Variants in LPAR1 observed in about 807,000 individuals in gnomAD.
The protein encoded by LPAR1 is LPA receptor 1.
A neutral mutation model predicts 23.8 loss-of-function variants in LPAR1; 5 were observed. The ratio of observed to expected loss-of-function variants is 0.21; its 90% CI spans 0.11 to 0.44. The LOEUF is 0.44. LPAR1 is among the 20% of genes least tolerant of loss of function. LPAR1 has a pLI of 0.99. For synonymous variants in LPAR1, 160 were observed against 164.7 expected, an observed-to-expected ratio of 0.97 and a Z score of 0.22; for missense variants, 311 against 482.8, an observed-to-expected ratio of 0.64 and a Z score of 3.33.
chr9:110,875,414 T>A lies in LPAR1; in HGVS notation c.*7A>T. On this transcript the variant is annotated 3_prime_UTR_variant, in exon 6 of 6. Transcript: ENST00000683809. ...AGGACGGCTGGTTCCTCATCTCAGTTTCCGTTCTAAACCACAGAGTGGTCA... is the reference window on the plus strand; with the variant it reads ...AGGACGGCTGGTTCCTCATCTCAGTATCCGTTCTAAACCACAGAGTGGTCA... 6.2e-7 allele frequency: 1 copy of A among 1,600,232 alleles called. No individual in the cohort carries two copies. Among genetic ancestry groups the A allele is most frequent in the East Asian group, 2.2e-5 (1 of 44,510 alleles).
At chr9:110,929,067 T>A (rs1401595844) in intron 5 of LPAR1, among the ~76,000 whole-genome samples, 2 of 152,236 alleles carry the variant, frequency 1.3e-5, no homozygotes, top group Non-Finnish European at 2.9e-5. Context: ...AATAAATAAG[T>A]GAAGCCATGA....
chr9:110,896,730 T>C lies in LPAR1; in HGVS notation c.794-21008A>G, dbSNP rs183365313. ...TAATACACTGAAGCATGACTTAAAA[T>C]TTGGGAGGGGGTGAGTTAAGTGACT... On this transcript the variant is annotated intron_variant, in intron 5 of 5. Coordinates refer to ENST00000683809, the MANE Select transcript of LPAR1 (RefSeq NM_001351411.2). Among the ~76,000 whole-genome samples, 606 of 152,202 alleles carry C rather than the reference T, an allele frequency of 4.0e-3. 4 individuals are homozygous for C. The highest frequency in any genetic ancestry group is 0.014 in the African/African-American group (575 of 41,538).
chr9:110,919,823 C>G (rs753600359), intron 5 of LPAR1, among the ~76,000 whole-genome samples: 15 of 152,182 alleles, frequency 9.9e-5, no homozygotes, highest in Non-Finnish European at 1.6e-4. Context: ...TTAACCCAGA[C>G]AGCCTGTAAC....
intron 5 of LPAR1, among the ~76,000 whole-genome samples, chr9:110,907,181 TC>T (rs1198283132): frequency 6.6e-6 from 1 of 152,128 alleles, no homozygotes; most frequent in Non-Finnish European, 1.5e-5. Flanking sequence ...GGCCCTAATG[TC>T]ACAAACAATA....
chr9:111,023,902 A>G (rs2097621947), intron 2 of LPAR1, among the ~76,000 whole-genome samples: 1 of 152,240 alleles, frequency 6.6e-6, no homozygotes, highest in African/African-American at 2.4e-5. Context: ...ACTATGGGTC[A>G]TGACTAAAAA....
Position 110,971,350 on chromosome 9 carries a change from T to C in LPAR1, c.45+723A>G, listed in dbSNP as rs188692260. Among the ~76,000 whole-genome samples, 157 of 152,262 alleles carry C rather than the reference T, an allele frequency of 1.0e-3. 2 individuals carry two copies. The highest frequency in any genetic ancestry group is 3.7e-3 in the African/African-American group (154 of 41,544). ...AGAGGAAACTGAAGCTGAGAGAAGCTAGCATGACTAGGGCTCTTTATCCTG... is the reference window on the plus strand; with the variant it reads ...AGAGGAAACTGAAGCTGAGAGAAGCCAGCATGACTAGGGCTCTTTATCCTG... On this transcript the variant is annotated intron_variant, in intron 4 of 5. Transcript: ENST00000683809.
intron 4 of LPAR1, among the ~76,000 whole-genome samples, chr9:110,950,905 A>G (rs2095549002): frequency 6.6e-6 from 1 of 152,218 alleles, no homozygotes. Context: ...ATGAAAGCAC[A>G]AAAGAACAAC....
chr9:110,946,544 TTTTCATACGAGGACAA>T (rs1425341195), intron 4 of LPAR1, among the ~76,000 whole-genome samples: 1 of 152,144 alleles, frequency 6.6e-6, no homozygotes, highest in East Asian at 1.9e-4. Flanking sequence ...TACATTGATG[TTTTCATACGAGGACAA>T]TAAAGAACAG....
At position 110,875,337 on chromosome 9, in the gene LPAR1, C is replaced by A. The variant is rs373641849; in HGVS notation, c.*84G>T. On this transcript the variant is annotated 3_prime_UTR_variant, in exon 6 of 6. Transcript: ENST00000683809. ...GAGTTGACTTTTCTCCTCTCTCACA[C>A]CCCACCTTGCCCTGGCAATTGGGTA... 16 of 1,233,812 alleles carry A rather than the reference C, an allele frequency of 1.3e-5. No individual in the cohort carries two copies. In the African/African-American group the frequency reaches 2.0e-4, roughly 15 times the overall value. The allele number at this position is 1,233,812 out of a possible 1,614,324, so 76.4% of individuals were successfully genotyped here. A position where few individuals can be genotyped will look rare whatever the true frequency, so the allele number is the denominator to read the frequency against.
intron 2 of LPAR1, among the ~76,000 whole-genome samples, chr9:111,021,942 T>C (rs1588902013): frequency 9.1e-6 from 1 of 110,178 alleles, no homozygotes; most frequent in African/African-American, 3.7e-5. Flanking sequence ...CCAGCCTGGG[T>C]GACAGAGCGA....
At chr9:110,893,629 T>A (rs755394388) in intron 5 of LPAR1, among the ~76,000 whole-genome samples, 54 of 152,348 alleles carry the variant, frequency 3.5e-4, no homozygotes, top group Middle Eastern at 3.4e-3. Flanking sequence ...AATGTAAACA[T>A]TGTTTTTGTA....
At chr9:111,007,057 TTCTC>T (rs1023611049) in intron 2 of LPAR1, among the ~76,000 whole-genome samples, 144 of 152,116 alleles carry the variant, frequency 9.5e-4, no homozygotes, top group African/African-American at 3.3e-3. Flanking sequence ...TTCTCTCCCT[TTCTC>T]TCTCTCTTTC....
chr9:110,988,017 A>T (rs1486737963), intron 2 of LPAR1, among the ~76,000 whole-genome samples: 2 of 152,114 alleles, frequency 1.3e-5, no homozygotes, highest in Admixed American at 1.3e-4. Context: ...AGGAACAAGG[A>T]TAAGAATGAC....
chr9:110,998,066 G>A (rs2097053810), intron 2 of LPAR1, among the ~76,000 whole-genome samples: 3 of 152,298 alleles, frequency 2.0e-5, no homozygotes, highest in Admixed American at 1.3e-4. Flanking sequence ...TAGGTCTGGG[G>A]TGGATCCAAG....
intron 2 of LPAR1, among the ~76,000 whole-genome samples, chr9:111,003,810 C>T (rs2097170127): frequency 6.6e-6 from 1 of 152,092 alleles, no homozygotes; most frequent in Non-Finnish European, 1.5e-5. Flanking sequence ...ATTATTCCCC[C>T]AAACCTCCAG....
Position 110,942,040 on chromosome 9 carries a change from A to G in LPAR1, c.174T>C (p.Thr58=), listed in dbSNP as rs757859338. 1.2e-5 allele frequency: 20 copies of G among 1,614,080 alleles called. No homozygotes were observed. The highest frequency in any genetic ancestry group is 1.6e-4 in the Middle Eastern group (1 of 6,084). The part of the protein sequence containing the change: ...VSKLVMGLGI[T]VCIFIMLANL... ...TGGCCAACATGATGAAGATACAAAC[A>G]GTGATTCCAAGTCCCATCACCAGCT... Residue 58 remains threonine (T), a synonymous_variant, in exon 5 of 6, where the codon ACT becomes ACC. Transcript: ENST00000683809.
At chr9:110,985,155 C>G (rs779905709) in intron 2 of LPAR1, among the ~76,000 whole-genome samples, 16 of 152,006 alleles carry the variant, frequency 1.1e-4, no homozygotes, top group Non-Finnish European at 2.2e-4. Flanking sequence ...ACAAAGAAAT[C>G]AGAAATGCAT....
At chr9:111,022,883 T>C (rs376109283) in intron 2 of LPAR1, among the ~76,000 whole-genome samples, 1 of 151,656 alleles carries the variant, frequency 6.6e-6, no homozygotes, top group Non-Finnish European at 1.5e-5. Context: ...ACCCTGTCTC[T>C]ACTAAAAATG....
chr9:110,944,822 T>C (rs775850011), intron 4 of LPAR1, among the ~76,000 whole-genome samples: 4 of 152,198 alleles, frequency 2.6e-5, no homozygotes, highest in Non-Finnish European at 5.9e-5. Flanking sequence ...TATTTAATGA[T>C]AAAACTTAAA....
Sources: allele counts gnomAD v4.1 joint callset (sites outside exome capture counted in the v4.1 genomes callset), GRCh38; gene constraint gnomAD v4.1.1; transcripts MANE v1.5; gene names NCBI Gene and HGNC (gene_info 2026-07-23, HGNC 2026-07-21).